The following EPHA6 variants were observed in gnomAD, a reference collection of about 807,000 sequenced individuals.
EPHA6 encodes the protein EPH receptor A6, also known as ephrin type-A receptor 6.
In EPHA6, 50 loss-of-function variants were observed where a neutral mutation model predicts 112.0. The observed-to-expected ratio is 0.45, with a 90% CI of 0.36 to 0.56. The LOEUF is 0.56. Ranked by LOEUF, EPHA6 falls within the 20% of genes least tolerant of loss-of-function variation. The pLI is 0.00. For synonymous variants in EPHA6, 529 were observed against 490.7 expected, an observed-to-expected ratio of 1.08 and a Z score of -1.03; for missense variants, 1,280 against 1,417.4, an observed-to-expected ratio of 0.90 and a Z score of 1.56.
At chr3:97,098,818 A>G (rs922295468) in intron 3 of EPHA6, among the ~76,000 whole-genome samples, 2 of 151,850 alleles carry the variant, frequency 1.3e-5, no homozygotes, top group African/African-American at 4.8e-5. Context: ...TGTGTCCACA[A>G]CTGATGAATG....
intron 13 of EPHA6, among the ~76,000 whole-genome samples, chr3:97,613,160 T>C (rs935584758): frequency 1.3e-5 from 2 of 152,126 alleles, no homozygotes; most frequent in African/African-American, 4.8e-5. Context: ...TCTCTCTTCT[T>C]AGAAGCTCAA....
intron 2 of EPHA6, among the ~76,000 whole-genome samples, chr3:96,896,096 G>T (rs2038255616): frequency 6.6e-6 from 1 of 152,118 alleles, no homozygotes; most frequent in South Asian, 2.1e-4. Flanking sequence ...GTTAAGCAAT[G>T]CATGACAGTG....
chr3:97,646,378 T>C, intron 14 of EPHA6: 1 of 1,064,586 alleles, frequency 9.4e-7, no homozygotes, highest in Non-Finnish European at 1.3e-6. Context: ...TGTCCACATT[T>C]CAAAATACAC....
At chr3:96,940,566 T>C (rs1431139834) in intron 2 of EPHA6, among the ~76,000 whole-genome samples, 1 of 152,208 alleles carries the variant, frequency 6.6e-6, no homozygotes, top group Non-Finnish European at 1.5e-5. Flanking sequence ...TTCCAGTCTG[T>C]GTCTTTTAGT....
intron 14 of EPHA6, among the ~76,000 whole-genome samples, chr3:97,652,960 A>G (rs2094116798): frequency 6.6e-6 from 1 of 152,046 alleles, no homozygotes; most frequent in African/African-American, 2.4e-5. Flanking sequence ...ACATAAATAG[A>G]GAAATAATAA....
At chr3:97,052,228 G>A (rs1303130667) in intron 3 of EPHA6, among the ~76,000 whole-genome samples, 1 of 152,028 alleles carries the variant, frequency 6.6e-6, no homozygotes, top group Admixed American at 6.6e-5. Flanking sequence ...CCCCATGCCT[G>A]CCTCATATGA....
At chr3:97,205,288 A>T (rs1273347952) in intron 3 of EPHA6, among the ~76,000 whole-genome samples, 1 of 152,100 alleles carries the variant, frequency 6.6e-6, no homozygotes, top group Non-Finnish European at 1.5e-5. Flanking sequence ...TTAGTATGAA[A>T]TTTTAGATAA....
intron 3 of EPHA6, among the ~76,000 whole-genome samples, chr3:97,100,065 G>A (rs2108257538): frequency 6.6e-6 from 1 of 151,860 alleles, no homozygotes; most frequent in Non-Finnish European, 1.5e-5. Flanking sequence ...CAGTTTATTT[G>A]GGTACTATTG....
chr3:97,663,401 T>G (rs912790387), intron 14 of EPHA6, among the ~76,000 whole-genome samples: 2 of 152,034 alleles, frequency 1.3e-5, no homozygotes, highest in African/African-American at 2.4e-5. Flanking sequence ...TTGTTACATA[T>G]GTATACATGT....
chr3:96,979,772 G>C (rs1003933839), intron 2 of EPHA6, among the ~76,000 whole-genome samples: 35 of 152,228 alleles, frequency 2.3e-4, no homozygotes, highest in Non-Finnish European at 4.4e-4. Context: ...ATCTCATTGT[G>C]GTTTTGATTT....
At chr3:97,726,732 T>C (rs6795722) in intron 15 of EPHA6, among the ~76,000 whole-genome samples, 149,329 of 152,188 alleles carry the variant, frequency 0.98, 73,284 homozygotes, top group East Asian at 0.99. Flanking sequence ...AATGGAAGTG[T>C]ATTGTAATGC....
intron 13 of EPHA6, among the ~76,000 whole-genome samples, chr3:97,612,643 T>G (rs768315867): frequency 3.3e-4 from 50 of 152,126 alleles, no homozygotes; most frequent in Non-Finnish European, 6.3e-4. Context: ...TTTTAAAAAC[T>G]AATATTTTTC....
intron 11 of EPHA6, among the ~76,000 whole-genome samples, chr3:97,579,331 G>A (rs2093416541): frequency 6.6e-6 from 1 of 152,122 alleles, no homozygotes; most frequent in Non-Finnish European, 1.5e-5. Flanking sequence ...TACCTGGAAG[G>A]TATATATACT....
intron 1 of EPHA6, among the ~76,000 whole-genome samples, chr3:96,847,789 A>G (rs2035156403): frequency 6.6e-6 from 1 of 152,130 alleles, no homozygotes; most frequent in South Asian, 2.1e-4. Context: ...GTATGAAGTA[A>G]AGTTATTGCA....
In EPHA6 at chr3:97,000,081, C is replaced by T. The variant is rs975143346; in HGVS notation, c.1114+12088C>T. On this transcript the variant is annotated intron_variant, in intron 3 of 17. Transcript: ENST00000389672. ...AGACAAAGAAATCATAGCTGTTGGC[C>T]GGCCTTCCAAGTTATTGCATATTAA... Among the ~76,000 whole-genome samples the T allele has an allele frequency of 3.6e-4, 54 of 151,690 alleles. 1 individual carries two copies. The highest frequency in any genetic ancestry group is 6.3e-3 in the Middle Eastern group (2 of 316).
chr3:97,686,138 T>C (rs1038719657), intron 14 of EPHA6, among the ~76,000 whole-genome samples: 5 of 152,292 alleles, frequency 3.3e-5, no homozygotes, highest in African/African-American at 4.8e-5. Context: ...TATAAATGAA[T>C]ATAACTATTC....
chr3:97,540,649 T>C (rs1235952716), intron 11 of EPHA6, among the ~76,000 whole-genome samples: 1 of 152,168 alleles, frequency 6.6e-6, no homozygotes, highest in Non-Finnish European at 1.5e-5. Context: ...TAGACTACAC[T>C]ATGTAGTAAC....
intron 5 of EPHA6, among the ~76,000 whole-genome samples, chr3:97,391,768 G>C (rs1249613549): frequency 6.6e-6 from 1 of 151,498 alleles, no homozygotes; most frequent in Non-Finnish European, 1.5e-5. Context: ...TCTATCTTAA[G>C]GGAAAAAAAG....
intron 5 of EPHA6, among the ~76,000 whole-genome samples, chr3:97,356,000 G>A (rs140418709): frequency 3.3e-5 from 5 of 152,228 alleles, no homozygotes; most frequent in East Asian, 1.9e-4. Flanking sequence ...GTAAATATAC[G>A]TGTACCCAAC....
Sources: allele counts gnomAD v4.1 joint callset (sites outside exome capture counted in the v4.1 genomes callset), GRCh38; gene constraint gnomAD v4.1.1; transcripts MANE v1.5; gene names NCBI Gene and HGNC (gene_info 2026-07-23, HGNC 2026-07-21).